The following HIVEP2 variants were observed in gnomAD, a reference collection of about 807,000 sequenced individuals.
HIVEP2 encodes transcription factor HIVEP2.
HIVEP2 carries 14 observed loss-of-function variants against 180.7 expected under a neutral mutation model. The ratio of observed to expected loss-of-function variants is 0.08; its 90% confidence interval spans 0.05 to 0.12. The LOEUF is 0.12. Ranked by LOEUF, HIVEP2 falls within the 10% of genes least tolerant of loss-of-function variation. The pLI, the probability that HIVEP2 is intolerant of heterozygous loss-of-function variation, is 1.00. For synonymous variants in HIVEP2, 1,184 were observed against 1,136.4 expected (o/e 1.04, Z -0.84); for missense variants, 2,579 against 3,008.5 (o/e 0.86, Z 3.34).
At chr6:142,763,325 G>A (rs573940383) in intron 7 of HIVEP2, among the ~76,000 whole-genome samples, 7 of 152,304 alleles carry the variant, frequency 4.6e-5, no homozygotes, top group South Asian at 2.1e-4. Context: ...ATGCAAGGGC[G>A]TTCCATCTGT....
At chr6:142,916,947 C>G (rs1041186779) in intron 1 of HIVEP2, among the ~76,000 whole-genome samples, 1 of 152,138 alleles carries the variant, frequency 6.6e-6, no homozygotes, top group Non-Finnish European at 1.5e-5. Flanking sequence ...AAGATACATA[C>G]AGTATTTAAT....
chr6:142,769,828 C>A lies in HIVEP2; in HGVS notation c.4911G>T (p.Gln1637His), dbSNP rs562352607. 2 of 1,614,084 alleles carry A rather than the reference C, an allele frequency of 1.2e-6. No individual in the cohort carries two copies. The highest frequency in any genetic ancestry group is 1.7e-6 in the Non-Finnish European group (2 of 1,180,042). The change falls in exon 5 of 10, where the codon CAG (glutamine) becomes CAT (histidine). Residue 1637 changes from glutamine (Q) to histidine (H), a missense_variant. This residue lies in a region of HIVEP2 where 349 missense variants were observed against 367.2 expected (regional missense o/e 0.95). Transcript: ENST00000367603. ...TDMADFQQIL[Q>H]FPSLRTTTTV... ...TAGTTGTTGTCCGCAGACTGGGGAA[C>A]TGAAGAATCTGCTGGAAATCTGCCA...
intron 1 of HIVEP2, among the ~76,000 whole-genome samples, chr6:142,924,170 T>A (rs1777747055): frequency 6.6e-6 from 1 of 152,242 alleles, no homozygotes; most frequent in Non-Finnish European, 1.5e-5. Context: ...AAATGTTTAT[T>A]GTGCATCTGC....
At chr6:142,780,004 A>G (rs1225843031) in intron 3 of HIVEP2, among the ~76,000 whole-genome samples, 1 of 152,228 alleles carries the variant, frequency 6.6e-6, no homozygotes, top group African/African-American at 2.4e-5. Flanking sequence ...GAAGGAGGAT[A>G]ATCAGAAAAA....
intron 1 of HIVEP2, among the ~76,000 whole-genome samples, chr6:142,923,467 C>T (rs965100435): frequency 6.6e-6 from 1 of 152,124 alleles, no homozygotes; most frequent in Non-Finnish European, 1.5e-5. Context: ...CTACAGTCTC[C>T]TATGTTCCAA....
chr6:142,816,957 G>A (rs1776857075), intron 2 of HIVEP2, among the ~76,000 whole-genome samples: 1 of 152,088 alleles, frequency 6.6e-6, no homozygotes, highest in South Asian at 2.1e-4. Flanking sequence ...GGAGGAGTGG[G>A]TGTTGAAGAA....
At chr6:142,805,941 C>A (rs494954) in intron 2 of HIVEP2, among the ~76,000 whole-genome samples, 10 of 152,030 alleles carry the variant, frequency 6.6e-5, no homozygotes, top group South Asian at 2.1e-4. Context: ...GTCTGCCCTG[C>A]AGAAATTGTG....
At chr6:142,852,794 AAC>A (rs1298477763) in intron 1 of HIVEP2, among the ~76,000 whole-genome samples, 5 of 143,442 alleles carry the variant, frequency 3.5e-5, no homozygotes, top group South Asian at 2.3e-4. Context: ...AATTTAGAGT[AAC>A]AGGGGAAAAA....
chr6:142,939,251 C>T (rs1778119640), intron 1 of HIVEP2, among the ~76,000 whole-genome samples: 1 of 151,976 alleles, frequency 6.6e-6, no homozygotes, highest in Admixed American at 6.5e-5. Flanking sequence ...TAAAAGAATT[C>T]ATATTATCAT....
intron 1 of HIVEP2, among the ~76,000 whole-genome samples, chr6:142,919,169 A>T (rs572448256): frequency 6.6e-6 from 1 of 152,334 alleles, no homozygotes; most frequent in East Asian, 1.9e-4. Context: ...CACAAGCAGA[A>T]AGAAGCCTCA....
chr6:142,817,883 G>A (rs868642395), intron 2 of HIVEP2, among the ~76,000 whole-genome samples: 2 of 151,984 alleles, frequency 1.3e-5, no homozygotes, highest in African/African-American at 4.8e-5. Flanking sequence ...GCACATGCCT[G>A]TAATCCCAGC....
intron 1 of HIVEP2, among the ~76,000 whole-genome samples, chr6:142,859,415 C>T (rs571833571): frequency 3.4e-4 from 52 of 151,292 alleles, no homozygotes; most frequent in Non-Finnish European, 6.8e-4. Flanking sequence ...GAGCTATGAT[C>T]CTGCCATTGC....
At chr6:142,887,344 C>T (rs879618291) in intron 1 of HIVEP2, among the ~76,000 whole-genome samples, 1 of 152,036 alleles carries the variant, frequency 6.6e-6, no homozygotes, top group Non-Finnish European at 1.5e-5. Flanking sequence ...AATATTAACT[C>T]AGAAACCAAA....
chr6:142,807,833 A>T (rs570750386), intron 2 of HIVEP2, among the ~76,000 whole-genome samples: 1 of 152,342 alleles, frequency 6.6e-6, no homozygotes, highest in South Asian at 2.1e-4. Context: ...AGGACTGGCC[A>T]GTGACCCAAA....
chr6:142,758,949 T>C (rs536783059), intron 9 of HIVEP2, among the ~76,000 whole-genome samples: 11 of 152,254 alleles, frequency 7.2e-5, no homozygotes, highest in Non-Finnish European at 1.5e-4. Context: ...CTCCTCTCCC[T>C]GGCCCTGACC....
At chr6:142,853,318 G>A (rs961795177) in intron 1 of HIVEP2, among the ~76,000 whole-genome samples, 1 of 152,274 alleles carries the variant, frequency 6.6e-6, no homozygotes, top group South Asian at 2.1e-4. Flanking sequence ...CTCTAAGCTG[G>A]CTACCCAAAG....
rs575166392 is a variant in HIVEP2, at chr6:142,893,069, T to A, written c.-641+52030A>T. ...TCAATAAATCATTCTCATGAAACAATTAGTCCTTTCATTCTCTATCCCACA... is the reference window on the plus strand; with the variant it reads ...TCAATAAATCATTCTCATGAAACAAATAGTCCTTTCATTCTCTATCCCACA... On this transcript the variant is annotated intron_variant, in intron 1 of 9. Coordinates refer to ENST00000367603, the MANE Select transcript of HIVEP2 (RefSeq NM_006734.4). Among the ~76,000 whole-genome samples the A allele has an allele frequency of 6.0e-4, 91 of 152,286 alleles. No individual in the cohort carries two copies. The South Asian group carries it at 0.018, about 30-fold the overall frequency.
chr6:142,881,982 C>T (rs1776583685), intron 1 of HIVEP2, among the ~76,000 whole-genome samples: 3 of 152,162 alleles, frequency 2.0e-5, no homozygotes, highest in African/African-American at 7.2e-5. Context: ...AAACACTGCC[C>T]TAATTATCAG....
intron 1 of HIVEP2, among the ~76,000 whole-genome samples, chr6:142,901,596 A>C (rs1463082252): frequency 6.6e-6 from 1 of 152,198 alleles, no homozygotes; most frequent in African/African-American, 2.4e-5. Context: ...ACCTCCTAAG[A>C]AATCAGTGAT....
Sources: gnomAD v4.1 joint callset for allele counts (sites outside exome capture counted in the v4.1 genomes callset) on GRCh38, gnomAD v4.1.1 for gene constraint, gnomAD v4.1.1 regional missense constraint, MANE v1.5 for transcripts, NCBI Gene and HGNC (gene_info 2026-07-23, HGNC 2026-07-21) for gene names.